Variants in RBFOX1 observed in about 807,000 individuals in gnomAD.
The protein encoded by RBFOX1 is RNA binding fox-1 homolog 1, also known as RNA binding protein fox-1 homolog 1.
A neutral mutation model predicts 57.7 loss-of-function variants in RBFOX1; 8 were observed. The observed-to-expected ratio is 0.14, with a 90% CI of 0.08 to 0.25. The LOEUF (loss-of-function observed/expected upper bound fraction) is 0.25. Among genes scored for constraint, RBFOX1 ranks in the 10% least tolerant of loss-of-function variants. RBFOX1 has a pLI of 1.00. For synonymous variants in RBFOX1, 326 were observed against 222.4 expected (o/e 1.47, Z -4.15); for missense variants, 611 against 548.5 (o/e 1.11, Z -1.14).
chr16:6,276,797 T>C (rs1299580554), intron 1 of RBFOX1, among the ~76,000 whole-genome samples: 1 of 140,776 alleles, frequency 7.1e-6, no homozygotes, highest in Non-Finnish European at 1.5e-5. Context: ...TATTACAGTC[T>C]GTAATTATTT....
intron 4 of RBFOX1, among the ~76,000 whole-genome samples, chr16:7,206,209 C>G (rs1290855680): frequency 6.6e-6 from 1 of 152,018 alleles, no homozygotes; most frequent in Non-Finnish European, 1.5e-5. Context: ...TAGGGAGACC[C>G]AGTAGGTAAA....
rs56131263 is a variant in RBFOX1 at position 6,465,598 on chromosome 16, C to CTGTGTGTGTG, written c.-64+148571_-64+148580dup. ...TCTTCTCAGTTATAGATGTATAGGG[C>CTGTGTGTGTG]TGTGTGTGTGTGTGTGTGTGTGTGT... On this transcript the variant is annotated intron_variant, in intron 2 of 15. Transcript: ENST00000550418. 2.6e-4 allele frequency among the ~76,000 whole-genome samples: 38 copies of CTGTGTGTGTG among 145,072 alleles called. No individual in the cohort carries two copies. In the East Asian group the frequency reaches 3.8e-3, roughly 15 times the overall value.
intron 4 of RBFOX1, among the ~76,000 whole-genome samples, chr16:7,356,967 T>C (rs1053235161): frequency 2.0e-5 from 3 of 152,338 alleles, no homozygotes; most frequent in Non-Finnish European, 4.4e-5. Context: ...GTTTCTGTTC[T>C]TTGTGTGAAT....
chr16:7,132,433 GACACACACACACACACAC>G (rs36226659), intron 4 of RBFOX1, among the ~76,000 whole-genome samples: 4,549 of 144,874 alleles, frequency 0.031, 126 homozygotes, highest in African/African-American at 0.076. Flanking sequence ...GTGATACACA[GACACACACACACACACAC>G]ACACACACAC....
chr16:6,252,840 G>C (rs749761746), intron 1 of RBFOX1, among the ~76,000 whole-genome samples: 2 of 152,146 alleles, frequency 1.3e-5, no homozygotes, highest in Admixed American at 6.5e-5. Context: ...GTTGCTGTTC[G>C]ATGGGTGTGA....
intron 4 of RBFOX1, among the ~76,000 whole-genome samples, chr16:7,213,919 C>T (rs1395178511): frequency 6.8e-6 from 1 of 147,780 alleles, no homozygotes; most frequent in African/African-American, 2.5e-5. Flanking sequence ...CATGCAGGAA[C>T]TCTGAAGTGG....
intron 4 of RBFOX1, among the ~76,000 whole-genome samples, chr16:7,234,416 A>T (rs1229600675): frequency 6.6e-6 from 1 of 152,076 alleles, no homozygotes; most frequent in African/African-American, 2.4e-5. Context: ...AACCTTTGGG[A>T]GGTAAAAGCT....
chr16:6,263,646 C>A (rs1168989632), intron 1 of RBFOX1, among the ~76,000 whole-genome samples: 2 of 152,160 alleles, frequency 1.3e-5, no homozygotes, highest in African/African-American at 4.8e-5. Flanking sequence ...AGAGCTTCTG[C>A]TAGTGTCTGC....
At chr16:6,029,199 C>G (rs367565304) in intron 1 of RBFOX1, among the ~76,000 whole-genome samples, 2 of 152,210 alleles carry the variant, frequency 1.3e-5, no homozygotes, top group African/African-American at 4.8e-5. Context: ...TATTTTGTTT[C>G]CTAGTGAATT....
chr16:6,324,715 G>A (rs1303074682), intron 2 of RBFOX1, among the ~76,000 whole-genome samples: 2 of 152,200 alleles, frequency 1.3e-5, no homozygotes, highest in African/African-American at 4.8e-5. Context: ...TGAGATTTGG[G>A]TGAGGACACA....
chr16:7,205,453 G>C (rs1448288601), intron 4 of RBFOX1, among the ~76,000 whole-genome samples: 1 of 151,350 alleles, frequency 6.6e-6, no homozygotes. Flanking sequence ...AGGAGGTGGA[G>C]GTTGAAGTGA....
chr16:7,219,922 G>T (rs914318822), intron 4 of RBFOX1, among the ~76,000 whole-genome samples: 1 of 152,194 alleles, frequency 6.6e-6, no homozygotes, highest in East Asian at 1.9e-4. Flanking sequence ...AGAATGATCA[G>T]TAGGGTTTAG....
At chr16:6,051,581 A>G (rs1313908182) in intron 1 of RBFOX1, among the ~76,000 whole-genome samples, 2 of 152,120 alleles carry the variant, frequency 1.3e-5, no homozygotes, top group East Asian at 3.9e-4. Flanking sequence ...TAGGTCTCCC[A>G]AAGTGCTGAG....
At chr16:6,900,968 A>G (rs1237178573) in intron 3 of RBFOX1, among the ~76,000 whole-genome samples, 2 of 152,170 alleles carry the variant, frequency 1.3e-5, no homozygotes, top group African/African-American at 4.8e-5. Context: ...GCCATTTAAG[A>G]TGTTCCCATA....
chr16:7,258,804 A>T (rs752736713), intron 4 of RBFOX1, among the ~76,000 whole-genome samples: 2 of 152,112 alleles, frequency 1.3e-5, no homozygotes, highest in Non-Finnish European at 2.9e-5. Flanking sequence ...GGGTTCCTCT[A>T]ACTGATGTCA....
At position 7,034,841 on chromosome 16, in the gene RBFOX1, C is replaced by CTTT. The variant is rs1255430430; in HGVS notation, c.-15-17212_-15-17210dup. Among the ~76,000 whole-genome samples, 19 of 39,140 alleles carry CTTT rather than the reference C, an allele frequency of 4.9e-4. 1 individual carries two copies. The South Asian group carries it at 6.9e-3, about 14-fold the overall frequency. The allele number at this position is 39,140 out of a possible 152,430, so 25.7% of individuals were successfully genotyped here. A position where few individuals can be genotyped will look rare whatever the true frequency, so the allele number is the denominator to read the frequency against. ...ATATTGCATTACTTTTTTTTTTTTT[C>CTTT]TTTTTTCTTTTTTTTTTTTTTTTTT... On this transcript the variant is annotated intron_variant, in intron 3 of 15. Coordinates refer to ENST00000550418, the MANE Select transcript of RBFOX1 (RefSeq NM_018723.4).
At chr16:6,380,780 T>G (rs1269174870) in intron 2 of RBFOX1, among the ~76,000 whole-genome samples, 1 of 152,166 alleles carries the variant, frequency 6.6e-6, no homozygotes, top group African/African-American at 2.4e-5. Flanking sequence ...GGATAAATAT[T>G]GCCAAATTGT....
At chr16:6,290,862 A>G (rs949871239) in intron 1 of RBFOX1, among the ~76,000 whole-genome samples, 3 of 152,206 alleles carry the variant, frequency 2.0e-5, no homozygotes, top group African/African-American at 7.2e-5. Flanking sequence ...CAGGCAAGAA[A>G]GAATTCAGGG....
intron 4 of RBFOX1, among the ~76,000 whole-genome samples, chr16:7,286,318 T>C (rs1208668182): frequency 6.6e-6 from 1 of 152,154 alleles, no homozygotes; most frequent in African/African-American, 2.4e-5. Flanking sequence ...CATACAAACA[T>C]CATGTGGCTT....
Sources: allele counts gnomAD v4.1 joint callset (sites outside exome capture counted in the v4.1 genomes callset), GRCh38; gene constraint gnomAD v4.1.1; transcripts MANE v1.5; gene names NCBI Gene and HGNC (gene_info 2026-07-23, HGNC 2026-07-21).